ATP9B: variants seen among roughly 807,000 people sequenced by gnomAD.
ATP9B encodes the protein probable phospholipid-transporting ATPase IIB.
A neutral mutation model predicts 146.1 loss-of-function variants in ATP9B; 110 were observed. That is an observed-to-expected ratio of 0.75 (90% confidence interval 0.65 to 0.88). The LOEUF (loss-of-function observed/expected upper bound fraction) is 0.88, where lower values mean the gene tolerates loss of function less well. Ranked by LOEUF, ATP9B falls within the 40% of genes least tolerant of loss-of-function variation. ATP9B has a pLI of 0.00. For synonymous variants in ATP9B, 604 were observed against 569.7 expected, an observed-to-expected ratio of 1.06 and a Z score of -0.86; for missense variants, 1,499 against 1,496.4, an observed-to-expected ratio of 1.00 and a Z score of -0.03.
At chr18:79,215,697 CT>C (rs145473712) in intron 11 of ATP9B, among the ~76,000 whole-genome samples, 3 of 149,888 alleles carry the variant, frequency 2.0e-5, no homozygotes, top group Non-Finnish European at 3.0e-5. Context: ...ACTAGAACAT[CT>C]TTTTTTTTTG....
chr18:79,376,212 CACA>C (rs1377619708), intron 29 of ATP9B: 1 of 830,286 alleles, frequency 1.2e-6, no homozygotes, highest in Non-Finnish European at 1.4e-6. Context: ...CACACACACA[CACA>C]AAACAAAACA....
intron 1 of ATP9B, among the ~76,000 whole-genome samples, chr18:79,090,556 G>T (rs986447589): frequency 6.6e-6 from 1 of 152,176 alleles, no homozygotes; most frequent in African/African-American, 2.4e-5. Flanking sequence ...ATGCGTGTTT[G>T]TGATTTGTAT....
At chr18:79,235,434 A>G (rs1568462303) in intron 11 of ATP9B, among the ~76,000 whole-genome samples, 1 of 152,140 alleles carries the variant, frequency 6.6e-6, no homozygotes, top group Non-Finnish European at 1.5e-5. Context: ...GTTTTCTGTG[A>G]CACTTTTTGG....
Position 79,344,303 on chromosome 18 carries a change from A to T in ATP9B, c.2421A>T (p.Ala807=). 6.2e-7 allele frequency: 1 copy of T among 1,614,210 alleles called. No individual in the cohort carries two copies. Among genetic ancestry groups the T allele is most frequent in the Non-Finnish European group, 8.5e-7 (1 of 1,180,034 alleles). ...GAGAGGCACATTTGGAGCTGAATGC[A>T]TTTCGAAGGAAGCATGATTGTGCAC... is the stretch of plus-strand genomic sequence containing the variant. ...SRGEAHLELN[A]FRRKHDCALV... is the part of the protein sequence containing the mutation. Residue 807 remains alanine, a synonymous_variant, in exon 21 of 30, where the codon GCA becomes GCT. Coordinates refer to ENST00000426216, the MANE Select transcript of ATP9B (RefSeq NM_198531.5).
intron 13 of ATP9B, among the ~76,000 whole-genome samples, chr18:79,294,730 G>A (rs190032962): frequency 5.8e-4 from 88 of 152,214 alleles, no homozygotes; most frequent in African/African-American, 2.0e-3. Context: ...CTAATATTTC[G>A]GTTCTGTTTA....
chr18:79,141,611 C>G (rs1461192345), intron 5 of ATP9B, among the ~76,000 whole-genome samples: 1 of 152,140 alleles, frequency 6.6e-6, no homozygotes, highest in African/African-American at 2.4e-5. Context: ...TTATTAAATT[C>G]TGAGTGTCCA....
chr18:79,364,373 T>C (rs922762189), intron 26 of ATP9B: 2 of 152,194 alleles, frequency 1.3e-5, no homozygotes, highest in African/African-American at 4.8e-5. Flanking sequence ...CAATGTGTTA[T>C]TGTCAAAAGG....
intron 17 of ATP9B, among the ~76,000 whole-genome samples, chr18:79,332,228 G>A (rs1202739590): frequency 6.6e-6 from 1 of 152,182 alleles, no homozygotes; most frequent in Non-Finnish European, 1.5e-5. Flanking sequence ...AGGAGATTGA[G>A]ACCCTCCTGG....
chr18:79,261,563 G>A (rs8098692), intron 12 of ATP9B, among the ~76,000 whole-genome samples: 2,440 of 151,696 alleles, frequency 0.016, 76 homozygotes, highest in African/African-American at 0.055. Flanking sequence ...CACCACCCCC[G>A]ACCAGTCCAG....
intron 13 of ATP9B, among the ~76,000 whole-genome samples, chr18:79,282,972 C>A (rs990225618): frequency 6.6e-6 from 1 of 152,202 alleles, no homozygotes; most frequent in African/African-American, 2.4e-5. Context: ...CAGAGAAATA[C>A]AAATCACTCT....
chr18:79,279,497 A>T (rs73001983), intron 13 of ATP9B, among the ~76,000 whole-genome samples: 30,419 of 152,198 alleles, frequency 0.2, 3,739 homozygotes, highest in East Asian at 0.48. Context: ...AAATTCATAG[A>T]AAAAGCAAAA....
chr18:79,132,548 T>C (rs1278493352), intron 5 of ATP9B, among the ~76,000 whole-genome samples: 2 of 152,234 alleles, frequency 1.3e-5, no homozygotes, highest in Non-Finnish European at 2.9e-5. Context: ...GGCACACTGC[T>C]TCATGGCTGG....
chr18:79,292,220 T>TA (rs1295753756), intron 13 of ATP9B, among the ~76,000 whole-genome samples: 6 of 152,304 alleles, frequency 3.9e-5, no homozygotes, highest in Non-Finnish European at 8.8e-5. Flanking sequence ...CCAATGCAGT[T>TA]AGGCAAGAGC....
chr18:79,309,881 A>T (rs1473952772), intron 15 of ATP9B, among the ~76,000 whole-genome samples: 1 of 152,198 alleles, frequency 6.6e-6, no homozygotes, highest in Non-Finnish European at 1.5e-5. Flanking sequence ...ATGACTATTG[A>T]ATGAGTAGAA....
chr18:79,356,423 A>C (rs899819108), intron 25 of ATP9B, among the ~76,000 whole-genome samples: 1 of 152,186 alleles, frequency 6.6e-6, no homozygotes, highest in Non-Finnish European at 1.5e-5. Context: ...TTCACCAAAA[A>C]ACCTGTGCAG....
At chr18:79,343,175 C>T (rs574699459) in intron 20 of ATP9B, among the ~76,000 whole-genome samples, 2 of 152,038 alleles carry the variant, frequency 1.3e-5, no homozygotes, top group South Asian at 4.2e-4. Flanking sequence ...CAAATTAGGC[C>T]CTGAAGACTA....
intron 11 of ATP9B, among the ~76,000 whole-genome samples, chr18:79,238,880 A>C (rs781116656): frequency 6.7e-6 from 1 of 150,212 alleles, no homozygotes; most frequent in East Asian, 2.0e-4. Context: ...GCAGTGACGC[A>C]GACGCACTGC....
intron 13 of ATP9B, among the ~76,000 whole-genome samples, chr18:79,286,865 A>G (rs945892424): frequency 1.3e-5 from 2 of 152,202 alleles, no homozygotes; most frequent in African/African-American, 4.8e-5. Context: ...TTCTGCATCT[A>G]TTGAGATAAT....
intron 1 of ATP9B, chr18:79,086,125 G>A (rs1257867189): frequency 1.3e-5 from 2 of 152,024 alleles, no homozygotes; most frequent in Admixed American, 6.5e-5. Context: ...TTCTTAGGGG[G>A]TCTATAAGAA....
Sources: allele counts gnomAD v4.1 joint callset (sites outside exome capture counted in the v4.1 genomes callset), GRCh38; gene constraint gnomAD v4.1.1; transcripts MANE v1.5; gene names NCBI Gene and HGNC (gene_info 2026-07-23, HGNC 2026-07-21).